Variants in TANGO6 observed in about 807,000 individuals in gnomAD.
The protein encoded by TANGO6 is transport and Golgi organization protein 6 homolog.
Under a neutral mutation model 114.2 loss-of-function variants are expected in TANGO6, and 90 were observed. The observed-to-expected ratio is 0.79, with a 90% CI of 0.66 to 0.94. TANGO6 has a LOEUF of 0.94. Among genes scored for constraint, TANGO6 ranks in the 40% least tolerant of loss-of-function variants. The pLI, the probability that TANGO6 is intolerant of heterozygous loss-of-function variation, is 0.00. For synonymous variants in TANGO6, 477 were observed against 509.8 expected (o/e 0.94, Z 0.87); for missense variants, 1,274 against 1,315.3 (o/e 0.97, Z 0.49).
chr16:69,054,953 A>C (rs1024333952), intron 17 of TANGO6, among the ~76,000 whole-genome samples: 1 of 151,698 alleles, frequency 6.6e-6, no homozygotes, highest in African/African-American at 2.4e-5. Flanking sequence ...AAAAAAAAAA[A>C]AAAAAAAAAA....
intron 17 of TANGO6, among the ~76,000 whole-genome samples, chr16:69,055,459 A>G (rs1169627813): frequency 1.3e-5 from 2 of 152,218 alleles, no homozygotes; most frequent in Non-Finnish European, 2.9e-5. Context: ...TCCAACACTC[A>G]GATTCCCTTT....
intron 4 of TANGO6, chr16:68,867,429 G>A: frequency 1.9e-6 from 1 of 540,272 alleles, no homozygotes; most frequent in Non-Finnish European, 3.2e-6. Context: ...TAAAACACTT[G>A]TGATACACTG....
chr16:69,060,671 T>A (rs1960100532), intron 17 of TANGO6, among the ~76,000 whole-genome samples: 1 of 150,906 alleles, frequency 6.6e-6, no homozygotes, highest in African/African-American at 2.4e-5. Context: ...ACCTTTGCAA[T>A]AAATGACTTT....
chr16:68,923,563 C>T (rs1340777910), intron 12 of TANGO6, among the ~76,000 whole-genome samples: 1 of 152,142 alleles, frequency 6.6e-6, no homozygotes, highest in Non-Finnish European at 1.5e-5. Flanking sequence ...CTCTATAGAA[C>T]TGCTTGGGAA....
chr16:68,867,288 AT>A, intron 4 of TANGO6, 68 bp downstream of exon 4: 1 of 1,594,852 alleles, frequency 6.3e-7, no homozygotes, highest in African/African-American at 1.3e-5. Context: ...GAGGTGAATT[AT>A]TGGTCTTTAG....
At chr16:68,917,627 A>G (rs924466046) in intron 11 of TANGO6, among the ~76,000 whole-genome samples, 1 of 152,178 alleles carries the variant, frequency 6.6e-6, no homozygotes, top group Admixed American at 6.5e-5. Context: ...GTAACAGTAT[A>G]TCACCAGTGC....
intron 15 of TANGO6, among the ~76,000 whole-genome samples, chr16:68,981,951 A>C (rs1210098230): frequency 1.3e-5 from 2 of 152,204 alleles, no homozygotes; most frequent in African/African-American, 4.8e-5. Flanking sequence ...GATAAGAGAT[A>C]CTCAACCTAT....
chr16:68,847,010 C>T (rs1398119836), intron 1 of TANGO6: 1 of 151,940 alleles, frequency 6.6e-6, no homozygotes, highest in Non-Finnish European at 1.5e-5. Flanking sequence ...CCTGCCTCAG[C>T]CTTCGGAGTA....
At chr16:68,963,418 C>T (rs1271509648) in intron 14 of TANGO6, among the ~76,000 whole-genome samples, 1 of 152,204 alleles carries the variant, frequency 6.6e-6, no homozygotes, top group Non-Finnish European at 1.5e-5. Flanking sequence ...TGCCCAGCCC[C>T]TTGCCCTACT....
intron 16 of TANGO6, among the ~76,000 whole-genome samples, chr16:69,031,894 T>A (rs1959599596): frequency 6.6e-6 from 1 of 151,824 alleles, no homozygotes; most frequent in Admixed American, 6.6e-5. Context: ...AACTCCTGAG[T>A]TCATGCAACC....
intron 3 of TANGO6, among the ~76,000 whole-genome samples, chr16:68,865,689 C>G (rs1345194099): frequency 1.3e-5 from 2 of 150,050 alleles, no homozygotes; most frequent in African/African-American, 4.9e-5. Flanking sequence ...GTGGGTGGAT[C>G]ACAAGGTCAG....
At chr16:68,864,707 T>G (rs925733132) in intron 3 of TANGO6, among the ~76,000 whole-genome samples, 4 of 152,176 alleles carry the variant, frequency 2.6e-5, no homozygotes, top group Non-Finnish European at 5.9e-5. Flanking sequence ...ATCCTTAGAA[T>G]CTTACTGTAA....
At chr16:69,013,939 T>A (rs1467747440) in intron 15 of TANGO6, among the ~76,000 whole-genome samples, 2 of 152,200 alleles carry the variant, frequency 1.3e-5, no homozygotes, top group Non-Finnish European at 2.9e-5. Context: ...ATTACAGACG[T>A]GAGCCACCGT....
At chr16:68,908,202 C>T (rs571952079) in intron 10 of TANGO6, among the ~76,000 whole-genome samples, 1 of 152,238 alleles carries the variant, frequency 6.6e-6, no homozygotes, top group South Asian at 2.1e-4. Context: ...TCTAAAAGAA[C>T]TCTAAGAGAG....
chr16:68,961,179 AT>A (rs1239320637), intron 14 of TANGO6, among the ~76,000 whole-genome samples: 9 of 152,194 alleles, frequency 5.9e-5, no homozygotes, highest in African/African-American at 2.2e-4. Flanking sequence ...CATGAGAAAG[AT>A]TTCTTTTGGA....
intron 15 of TANGO6, among the ~76,000 whole-genome samples, chr16:69,016,437 T>C (rs566476847): frequency 1.3e-5 from 2 of 152,206 alleles, no homozygotes; most frequent in African/African-American, 4.8e-5. Context: ...ATGAATGAGA[T>C]ACCTCTTAGT....
At chr16:68,921,371 A>G (rs1963090351) in intron 12 of TANGO6, among the ~76,000 whole-genome samples, 1 of 151,504 alleles carries the variant, frequency 6.6e-6, no homozygotes, top group Non-Finnish European at 1.5e-5. Flanking sequence ...TATAGTAGAG[A>G]CAGGGTTTTG....
intron 17 of TANGO6, among the ~76,000 whole-genome samples, chr16:69,066,099 T>C (rs1286300817): frequency 6.6e-6 from 1 of 152,140 alleles, no homozygotes; most frequent in East Asian, 1.9e-4. Flanking sequence ...ACCAACATCA[T>C]CTGACCTGCG....
intron 15 of TANGO6, among the ~76,000 whole-genome samples, chr16:68,984,012 G>A (rs543565308): frequency 2.0e-5 from 3 of 148,724 alleles, no homozygotes; most frequent in East Asian, 3.9e-4. Context: ...CAGCCTGGGC[G>A]ACAGAGCAAG....
Sources: allele counts gnomAD v4.1 joint callset (sites outside exome capture counted in the v4.1 genomes callset), GRCh38; gene constraint gnomAD v4.1.1; transcripts MANE v1.5; gene names NCBI Gene and HGNC (gene_info 2026-07-23, HGNC 2026-07-21).